The following IKZF3 variants were observed in gnomAD, a reference collection of about 807,000 sequenced individuals.
The protein encoded by IKZF3 is zinc finger protein Aiolos.
Under a neutral mutation model 49.0 loss-of-function variants are expected in IKZF3, and 10 were observed. The observed-to-expected ratio is 0.20, with a 90% CI of 0.13 to 0.35. IKZF3 has a LOEUF of 0.35. Among genes scored for constraint, IKZF3 ranks in the 10% least tolerant of loss-of-function variants. The probability of loss-of-function intolerance (pLI) is 1.00; values close to 1 mark genes in which losing one functional copy is unlikely to be tolerated. For synonymous variants in IKZF3, 209 were observed against 228.2 expected (o/e 0.92, Z 0.76); for missense variants, 498 against 664.8 (o/e 0.75, Z 2.76).
intron 3 of IKZF3, among the ~76,000 whole-genome samples, chr17:39,812,829 T>A (rs2061591797): frequency 6.6e-6 from 1 of 152,214 alleles, no homozygotes; most frequent in East Asian, 1.9e-4. Flanking sequence ...CAGGGCGAAG[T>A]GGCTCACGCC....
At chr17:39,793,740 G>A (rs2061090394) in intron 3 of IKZF3, among the ~76,000 whole-genome samples, 1 of 152,178 alleles carries the variant, frequency 6.6e-6, no homozygotes, top group South Asian at 2.1e-4. Context: ...GGAGGGACTG[G>A]CTCAAGTGAG....
intron 7 of IKZF3, among the ~76,000 whole-genome samples, chr17:39,766,958 G>A (rs1006399973): frequency 1.3e-5 from 2 of 152,054 alleles, no homozygotes; most frequent in Non-Finnish European, 1.5e-5. Flanking sequence ...AGGTAGCCAG[G>A]GGGACAGAAG....
chr17:39,845,174 A>G (rs2062593682), intron 1 of IKZF3, among the ~76,000 whole-genome samples: 2 of 152,338 alleles, frequency 1.3e-5, no homozygotes, highest in South Asian at 4.1e-4. Context: ...TTTAAAAATC[A>G]GAAGAATACA....
At chr17:39,822,901 T>G (rs1662078502) in intron 3 of IKZF3, among the ~76,000 whole-genome samples, 1 of 151,928 alleles carries the variant, frequency 6.6e-6, no homozygotes, top group Admixed American at 6.6e-5. Context: ...TTCATAGCAG[T>G]GTGAGAGTGG....
At chr17:39,819,189 T>C (rs2061745789) in intron 3 of IKZF3, among the ~76,000 whole-genome samples, 1 of 152,224 alleles carries the variant, frequency 6.6e-6, no homozygotes, top group South Asian at 2.1e-4. Context: ...GAGTATTTAA[T>C]CTGTTTTTTT....
intron 6 of IKZF3, among the ~76,000 whole-genome samples, chr17:39,780,058 G>C (rs1318042075): frequency 2.6e-5 from 4 of 152,028 alleles, no homozygotes; most frequent in Non-Finnish European, 5.9e-5. Context: ...TAAAAAATTA[G>C]CTGGGCATGT....
intron 1 of IKZF3, among the ~76,000 whole-genome samples, chr17:39,840,132 T>A (rs2062422703): frequency 6.6e-6 from 1 of 152,210 alleles, no homozygotes; most frequent in South Asian, 2.1e-4. Context: ...GATGAGTTAG[T>A]CACCTTTGCA....
At chr17:39,823,272 AT>A (rs1243628914) in intron 3 of IKZF3, among the ~76,000 whole-genome samples, 3 of 152,138 alleles carry the variant, frequency 2.0e-5, no homozygotes, top group African/African-American at 7.2e-5. Flanking sequence ...GACTGGCAGT[AT>A]TTTGCCCCTG....
At chr17:39,831,943 G>C (rs2062119597) in intron 2 of IKZF3, among the ~76,000 whole-genome samples, 155 bp downstream of exon 2, 1 of 152,014 alleles carries the variant, frequency 6.6e-6, no homozygotes, top group South Asian at 2.1e-4. Flanking sequence ...AAATGGATGA[G>C]TTATTTTTTC....
chr17:39,796,441 C>T (rs1290390043), intron 3 of IKZF3, among the ~76,000 whole-genome samples: 1 of 152,128 alleles, frequency 6.6e-6, no homozygotes, highest in East Asian at 1.9e-4. Flanking sequence ...TCTATGTCTT[C>T]AGGCTCTCTA....
At chr17:39,769,532 G>T (rs1344000633) in intron 7 of IKZF3, among the ~76,000 whole-genome samples, 1 of 152,178 alleles carries the variant, frequency 6.6e-6, no homozygotes, top group Non-Finnish European at 1.5e-5. Context: ...TCAGTTTCCA[G>T]ATTGGATATA....
At chr17:39,802,045 A>G (rs2061330230) in intron 3 of IKZF3, among the ~76,000 whole-genome samples, 1 of 151,664 alleles carries the variant, frequency 6.6e-6, no homozygotes, top group Non-Finnish European at 1.5e-5. Flanking sequence ...ACATGGTGAA[A>G]CCCTGTCTCT....
At chr17:39,814,486 A>T (rs2061634838) in intron 3 of IKZF3, among the ~76,000 whole-genome samples, 1 of 152,196 alleles carries the variant, frequency 6.6e-6, no homozygotes, top group African/African-American at 2.4e-5. Flanking sequence ...TCCTAAATTC[A>T]TGTCCTCCTG....
chr17:39,854,421 T>A (rs2062978738), intron 1 of IKZF3, among the ~76,000 whole-genome samples: 1 of 151,950 alleles, frequency 6.6e-6, no homozygotes, highest in Non-Finnish European at 1.5e-5. Flanking sequence ...AGCTCTAAAC[T>A]AAACAAAAAA....
At chr17:39,806,540 T>A (rs2061434020) in intron 3 of IKZF3, among the ~76,000 whole-genome samples, 1 of 152,170 alleles carries the variant, frequency 6.6e-6, no homozygotes, top group East Asian at 1.9e-4. Flanking sequence ...ATAATGAGAT[T>A]CCACTTCACA....
chr17:39,775,536 G>A (rs2060557713), intron 7 of IKZF3, among the ~76,000 whole-genome samples: 1 of 152,236 alleles, frequency 6.6e-6, no homozygotes, highest in Non-Finnish European at 1.5e-5. Flanking sequence ...TAGGGCTTTA[G>A]TTCAACTATA....
chr17:39,850,524 CATATTATACATGTACATATTATAGCA>C (rs1568063738), intron 1 of IKZF3, among the ~76,000 whole-genome samples: 1 of 34,036 alleles, frequency 2.9e-5, no homozygotes, highest in Non-Finnish European at 5.4e-5. Context: ...GCATATTATA[CATATTATACATGTACATATTATAGCA>C]TATTATACAT....
rs868494187 is a variant in IKZF3 at position 39,799,449 on chromosome 17, A to T, written c.164-6516T>A. The stretch of plus-strand genomic sequence containing the variant: ...ATGAGGTATTCAAGCACCTGTCCAG[A>T]ACTTGCCCCAGGACTACTTAATCAT... On this transcript the variant is annotated intron_variant, in intron 3 of 7. Coordinates refer to ENST00000346872, the MANE Select transcript of IKZF3 (RefSeq NM_012481.5). 2.0e-5 allele frequency among the ~76,000 whole-genome samples: 3 copies of T among 152,338 alleles called. No homozygotes were observed. In the South Asian group the frequency reaches 6.2e-4, roughly 32 times the overall value.
intron 3 of IKZF3, among the ~76,000 whole-genome samples, chr17:39,829,146 T>C (rs927858231): frequency 6.6e-6 from 1 of 152,228 alleles, no homozygotes; most frequent in South Asian, 2.1e-4. Context: ...TGGAAAATAG[T>C]CAAACATCAT....
Sources: gnomAD v4.1 joint callset for allele counts (sites outside exome capture counted in the v4.1 genomes callset) on GRCh38, gnomAD v4.1.1 for gene constraint, MANE v1.5 for transcripts, NCBI Gene and HGNC (gene_info 2026-07-23, HGNC 2026-07-21) for gene names.